The following SCUBE3 variants were observed in gnomAD, a reference collection of about 807,000 sequenced individuals.
SCUBE3 encodes signal peptide, CUB domain and EGF like domain containing 3, also known as signal peptide, CUB and EGF-like domain-containing protein 3.
SCUBE3 carries 33 observed loss-of-function variants against 116.8 expected under a neutral mutation model. That is an observed-to-expected ratio of 0.28 (90% CI 0.21 to 0.38). SCUBE3 has a LOEUF of 0.38. SCUBE3 is among the 10% of genes least tolerant of loss of function. The pLI, the probability that SCUBE3 is intolerant of heterozygous loss-of-function variation, is 1.00. For missense variants in SCUBE3, 1,007 were observed against 1,324.8 expected (o/e 0.76, Z 3.72); for synonymous variants, 418 against 496.9 (o/e 0.84, Z 2.11).
chr6:35,237,935 G>T lies in SCUBE3; in HGVS notation c.746G>T (p.Ser249Ile). 1 of 1,612,850 alleles carries T rather than the reference G, an allele frequency of 6.2e-7. No homozygotes were observed. The highest frequency in any genetic ancestry group is 8.5e-7 in the Non-Finnish European group (1 of 1,178,894). Reference sequence around the variant, plus strand: ...GCTGTCAACAACGGGGGCTGTGACAGTAAGTGCCATGATGCAGCGACTGGT... The same window carrying T: ...GCTGTCAACAACGGGGGCTGTGACATTAAGTGCCATGATGCAGCGACTGGT... ...TCAVNNGGCD[S>I]KCHDAATGVH... is the part of the protein sequence containing the mutation. Residue 249 changes from serine to isoleucine, a missense_variant, in exon 7 of 22, where the codon AGT becomes ATT. By Grantham distance (142) the Ser-to-Ile change is moderately radical. Around this residue, in one of 5 missense-constraint regions of SCUBE3, gnomAD observed 214 missense variants for 316.7 expected, o/e 0.68. Coordinates refer to ENST00000274938, the MANE Select transcript of SCUBE3 (RefSeq NM_152753.4).
At chr6:35,238,043 C>G in intron 7 of SCUBE3, 25 bp downstream of exon 7, 1 of 1,401,180 alleles carries the variant, frequency 7.1e-7, no homozygotes, top group Non-Finnish European at 1.0e-6. Flanking sequence ...AGGACAGAAG[C>G]AGAGTGACCT....
In SCUBE3 at chr6:35,235,332, G is replaced by A. The variant is rs1398449992; in HGVS notation, c.712+2031G>A. 1 of 443,152 alleles carries A rather than the reference G, an allele frequency of 2.3e-6. No homozygotes were observed. The highest frequency in any genetic ancestry group is 2.4e-5 in the Admixed American group (1 of 41,120). 27.5% of individuals were successfully genotyped at this position (443,152 alleles called of 1,614,324 possible). A position where few individuals can be genotyped will look rare whatever the true frequency, so the allele number is the denominator to read the frequency against. On this transcript the variant is annotated intron_variant, in intron 6 of 21. Transcript: ENST00000274938. The surrounding 1 kb of genome is among the most constrained non-coding windows in gnomAD (Gnocchi z 4.5). ...TAAGGGTCCCAGGGCTCATCATTTGGGGCTACTGGTTTGGGCTGGCAGTGG... is the reference window on the plus strand; with the variant it reads ...TAAGGGTCCCAGGGCTCATCATTTGAGGCTACTGGTTTGGGCTGGCAGTGG...
rs1056920397 is a variant in SCUBE3, at chr6:35,233,238, C to A, written c.649C>A (p.Gln217Lys). The A allele has an allele frequency of 6.2e-7, 1 of 1,613,732 alleles. No homozygotes were observed. Among genetic ancestry groups the A allele is most frequent in the South Asian group, 1.1e-5 (1 of 91,062 alleles). The change falls in exon 6 of 22, where the codon CAG (glutamine) becomes AAG (lysine). Residue 217 changes from glutamine to lysine, a missense_variant. Physicochemically the swap from Gln to Lys is moderately conservative, Grantham distance 53. Coordinates refer to ENST00000274938, the MANE Select transcript of SCUBE3 (RefSeq NM_152753.4). The surrounding 1 kb of genome is among the most constrained non-coding windows in gnomAD (Gnocchi z 5.7). Reference sequence around the variant, plus strand: ...CCAGCACACGTGTGATGACACAGAGCAGGGTCCCCGGTGCGGCTGCCATAT... The same window carrying A: ...CCAGCACACGTGTGATGACACAGAGAAGGGTCCCCGGTGCGGCTGCCATAT... ...GCQHTCDDTE[Q>K]GPRCGCHIKF...
chr6:35,217,002 T>C (rs980845520), intron 1 of SCUBE3, among the ~76,000 whole-genome samples: 9 of 151,842 alleles, frequency 5.9e-5, no homozygotes, highest in South Asian at 2.1e-4. Flanking sequence ...ACGTAGTTGC[T>C]AAGGGTAAAC....
intron 1 of SCUBE3, chr6:35,223,112 G>C (rs1047380680): frequency 5.3e-5 from 8 of 152,230 alleles, no homozygotes; most frequent in Admixed American, 1.3e-4. Flanking sequence ...CTTGAGCCCA[G>C]GATTTCGAGG....
Position 35,243,476 on chromosome 6 carries a change from T to A in SCUBE3, c.1910-118T>A. 9.5e-7 allele frequency: 1 copy of A among 1,054,234 alleles called. No individual in the cohort carries two copies. Among genetic ancestry groups the A allele is most frequent in the Non-Finnish European group, 1.4e-6 (1 of 727,178 alleles). 65.3% of individuals were successfully genotyped at this position (1,054,234 alleles called of 1,614,324 possible). ...TCCCCCCAAGTAGGATTGTGTTTGT[T>A]CCCTGACAGAGATTCTCCCTGAATC... is the stretch of plus-strand genomic sequence containing the variant. On this transcript the variant is annotated intron_variant, in intron 15 of 21. Coordinates refer to ENST00000274938, the MANE Select transcript of SCUBE3 (RefSeq NM_152753.4). The surrounding 1 kb of genome is among the most constrained non-coding windows in gnomAD (Gnocchi z 6.6).
chr6:35,222,068 TCTGA>T (rs1562042304), intron 1 of SCUBE3: 1 of 152,266 alleles, frequency 6.6e-6, no homozygotes, highest in East Asian at 1.9e-4. Flanking sequence ...GCAGGCTGTT[TCTGA>T]CTGTCCCACT....
rs187977811 is a variant in SCUBE3, at chr6:35,240,729, C to A, written c.1069+239C>A. On this transcript the variant is annotated intron_variant, in intron 9 of 21. Transcript: ENST00000274938. The surrounding 1 kb of genome is among the most constrained non-coding windows in gnomAD (Gnocchi z 4.6). ...CCCATTCCTATAACTGTCCCTGAAC[C>A]CCCACTCTCAGCTCCCAAATGACAG... 1.8e-3 allele frequency among the ~76,000 whole-genome samples: 270 copies of A among 152,296 alleles called. No individual in the cohort carries two copies. The highest frequency in any genetic ancestry group is 6.1e-3 in the African/African-American group (254 of 41,554).
Position 35,241,156 on chromosome 6 carries a change from G to T in SCUBE3, c.1085G>T (p.Ser362Ile). Reference sequence around the variant, plus strand: ...CTTCCCCCAGATGTGGATGAATGCAGCATCAACCGGGGAGGTTGCCGCTTT... The same window carrying T: ...CTTCCCCCAGATGTGGATGAATGCATCATCAACCGGGGAGGTTGCCGCTTT... Reference protein sequence around the residue: ...ITHCGDVDECSINRGGCRFGC... With the variant: ...ITHCGDVDECIINRGGCRFGC... The change falls in exon 10 of 22, where the codon AGC (serine) becomes ATC (isoleucine). Residue 362 changes from serine to isoleucine, a missense_variant. By Grantham distance (142) the Ser-to-Ile change is moderately radical. Around this residue, in one of 5 missense-constraint regions of SCUBE3, gnomAD observed 544 missense variants for 638.9 expected, o/e 0.85. Transcript: ENST00000274938. This position sits in a 1 kb window ranked among gnomAD's most constrained non-coding sequence, Gnocchi z 4.1. 2 of 1,599,250 alleles carry T rather than the reference G, an allele frequency of 1.3e-6. No homozygotes were observed. The highest frequency in any genetic ancestry group is 1.7e-6 in the Non-Finnish European group (2 of 1,167,984).
chr6:35,247,223 T>C (rs1320322401), intron 21 of SCUBE3, among the ~76,000 whole-genome samples: 2 of 151,822 alleles, frequency 1.3e-5, no homozygotes, highest in African/African-American at 4.8e-5. Flanking sequence ...TCGCCTGAGG[T>C]CAGGAGTTCC....
In SCUBE3 at chr6:35,248,630, CAAG is replaced by C; in HGVS notation, c.2908_2910del (p.Lys970del). ...ACTACTTCAAGTACACAGAGAAACACAAGGAGATGCTGCCAAAATCCTTCATCA... is the reference window on the plus strand; with the variant it reads ...ACTACTTCAAGTACACAGAGAAACACGAGATGCTGCCAAAATCCTTCATCA... On this transcript the variant is annotated inframe_deletion, in exon 22 of 22. Transcript: ENST00000274938. 6.2e-7 allele frequency: 1 copy of C among 1,614,036 alleles called. No individual in the cohort carries two copies. Among genetic ancestry groups the C allele is most frequent in the East Asian group, 2.2e-5 (1 of 44,874 alleles).
In SCUBE3 at chr6:35,231,455, T is replaced by A. The variant is rs1783544654; in HGVS notation, c.335-270T>A. Among the ~76,000 whole-genome samples the A allele has an allele frequency of 6.6e-6, 1 of 152,054 alleles. No homozygotes were observed. On this transcript the variant is annotated intron_variant, in intron 3 of 21. Transcript: ENST00000274938. This position sits in a 1 kb window ranked among gnomAD's most constrained non-coding sequence, Gnocchi z 4.2. ...TGTCTTCATACCCAGTTTACACAGG[T>A]GAGGGAAAGGGAGGCATGGCTTCAC...
chr6:35,243,740 G>T lies in SCUBE3; in HGVS notation c.2056G>T (p.Val686Phe). Residue 686 changes from valine to phenylalanine, a missense_variant, in exon 16 of 22, where the codon GTC (valine) becomes TTC (phenylalanine). Physicochemically the swap from Val to Phe is conservative, Grantham distance 50. This residue lies in a region of SCUBE3 where 544 missense variants were observed against 638.9 expected (regional missense o/e 0.85). Transcript: ENST00000274938. The surrounding 1 kb of genome is among the most constrained non-coding windows in gnomAD (Gnocchi z 6.6). ...CCACGGGCCTCTTGGAGCCACCAAC[G>T]TCACCACGTGTGCAGGTGCCAGGGG... is the stretch of plus-strand genomic sequence containing the variant. ...DAHGPLGATNVTTCAGQCPPG... is the reference protein window; with the variant it reads ...DAHGPLGATNFTTCAGQCPPG... The T allele has an allele frequency of 1.2e-6, 2 of 1,614,004 alleles. No homozygotes were observed. Among genetic ancestry groups the T allele is most frequent in the Non-Finnish European group, 1.7e-6 (2 of 1,179,932 alleles).
chr6:35,214,605 T>C lies in SCUBE3; in HGVS notation c.85+102T>C, dbSNP rs1782813511. On this transcript the variant is annotated intron_variant, in intron 1 of 21. Transcript: ENST00000274938. The surrounding 1 kb of genome is among the most constrained non-coding windows in gnomAD (Gnocchi z 6.3). ...GCAGGGCAGGTGCTGGGGAGCGTGC[T>C]GCTGTCAGAACCCGGCTCTGTGCAC... The C allele has an allele frequency of 2.9e-6, 2 of 694,256 alleles. No homozygotes were observed. Among genetic ancestry groups the C allele is most frequent in the East Asian group, 6.9e-5 (2 of 28,950 alleles). The allele number at this position is 694,256 out of a possible 1,614,324, so 43.0% of individuals were successfully genotyped here.
intron 12 of SCUBE3, 54 bp from the exon 13 acceptor site, chr6:35,242,150 C>CCCCCGACCTCCATGGGCAT (rs1175078117): frequency 3.8e-6 from 5 of 1,328,300 alleles, no homozygotes; most frequent in Non-Finnish European, 5.4e-6. Context: ...CCCTACGGCA[C>CCCCCGACCTCCATGGGCAT]CCCCGACCTC....
At chr6:35,222,537 G>C (rs1254585922) in intron 1 of SCUBE3, 1 of 152,274 alleles carries the variant, frequency 6.6e-6, no homozygotes, top group Non-Finnish European at 1.5e-5. Context: ...AGGACAGGGC[G>C]AGGCAGGGAG....
chr6:35,236,134 G>C (rs1214008413), intron 6 of SCUBE3, among the ~76,000 whole-genome samples: 1 of 152,166 alleles, frequency 6.6e-6, no homozygotes, highest in Non-Finnish European at 1.5e-5. Flanking sequence ...TAATGCTTGA[G>C]ATAGTGCATG....
Position 35,241,776 on chromosome 6 carries a change from G to A in SCUBE3, c.1313-30G>A, listed in dbSNP as rs190061809. 8 of 1,583,900 alleles carry A rather than the reference G, an allele frequency of 5.1e-6. No individual in the cohort carries two copies. The African/African-American group carries it at 9.4e-5, about 19-fold the overall frequency. On this transcript the variant is annotated intron_variant, in intron 11 of 21. Transcript: ENST00000274938. The surrounding 1 kb of genome is among the most constrained non-coding windows in gnomAD (Gnocchi z 4.1). ...CAGCCAGCGGGGGTTGGGAAGGCAG[G>A]TCAGAACTGTGACAGGCTCCTTTTC...
At position 35,242,263 on chromosome 6, in the gene SCUBE3, C is replaced by T. The variant is rs763988798; in HGVS notation, c.1477C>T (p.Arg493Cys). 1.5e-5 allele frequency: 25 copies of T among 1,613,950 alleles called. No homozygotes were observed. The highest frequency in any genetic ancestry group is 2.7e-5 in the African/African-American group (2 of 74,914). The change falls in exon 13 of 22, where the codon CGT (arginine) becomes TGT (cysteine). Residue 493 changes from arginine (R) to cysteine (C), a missense_variant. Coordinates refer to ENST00000274938, the MANE Select transcript of SCUBE3 (RefSeq NM_152753.4). Reference sequence around the variant, plus strand: ...CTTCAAGATCAAGGATGCCAAATGCCGTTTGCACCTGCGAAACAAAGGCAA... The same window carrying T: ...CTTCAAGATCAAGGATGCCAAATGCTGTTTGCACCTGCGAAACAAAGGCAA... ...ASFKIKDAKC[R>C]LHLRNKGKTE...
Sources: gnomAD v4.1 joint callset for allele counts (sites outside exome capture counted in the v4.1 genomes callset) on GRCh38, gnomAD v4.1.1 for gene constraint, gnomAD v4.1.1 regional missense constraint, Gnocchi (gnomAD v3.1) non-coding constraint, MANE v1.5 for transcripts, NCBI Gene and HGNC (gene_info 2026-07-23, HGNC 2026-07-21) for gene names.